The following SNAP91 variants were observed in gnomAD, a reference collection of about 807,000 sequenced individuals.
The protein encoded by SNAP91 is synaptosome associated protein 91.
Under a neutral mutation model 100.3 loss-of-function variants are expected in SNAP91, and 27 were observed. The ratio of observed to expected loss-of-function variants is 0.27; its 90% confidence interval spans 0.20 to 0.37. The LOEUF (loss-of-function observed/expected upper bound fraction) is 0.37, where lower values mean the gene tolerates loss of function less well. SNAP91 is among the 10% of genes least tolerant of loss of function. The pLI is 1.00. For missense variants in SNAP91, 986 were observed against 1,123.7 expected, an observed-to-expected ratio of 0.88 and a Z score of 1.75; for synonymous variants, 404 against 398.6, an observed-to-expected ratio of 1.01 and a Z score of -0.16.
intron 11 of SNAP91, 63 bp from the exon 12 acceptor site, chr6:83,610,740 TATATATAA>T (rs1218044300): frequency 0.022 from 3,892 of 176,676 alleles, 245 homozygotes; most frequent in African/African-American, 0.078. Context: ...TATATATATA[TATATATAA>T]ATATATATGT....
chr6:83,574,249 CAG>C (rs1813967552), intron 26 of SNAP91, among the ~76,000 whole-genome samples: 1 of 152,136 alleles, frequency 6.6e-6, no homozygotes, highest in Admixed American at 6.6e-5. Context: ...TTGCTAAACA[CAG>C]AGTGCATATA....
chr6:83,697,150 A>G (rs946712250), intron 2 of SNAP91, among the ~76,000 whole-genome samples: 1 of 152,168 alleles, frequency 6.6e-6, no homozygotes, highest in Non-Finnish European at 1.5e-5. Flanking sequence ...TAGTATCACC[A>G]ATAACTTAGT....
At chr6:83,582,860 C>G (rs1196789561) in intron 22 of SNAP91, among the ~76,000 whole-genome samples, 8 of 152,166 alleles carry the variant, frequency 5.3e-5, no homozygotes, top group Non-Finnish European at 2.9e-5. Flanking sequence ...CCCCGCAACC[C>G]TGCTCTCTGG....
chr6:83,677,759 T>G (rs2098930955), intron 2 of SNAP91, among the ~76,000 whole-genome samples: 1 of 152,182 alleles, frequency 6.6e-6, no homozygotes, highest in Non-Finnish European at 1.5e-5. Flanking sequence ...CTCTTTTGAG[T>G]GTTTTCTTAT....
chr6:83,559,319 A>T (rs531148008), intron 28 of SNAP91, among the ~76,000 whole-genome samples: 1 of 152,172 alleles, frequency 6.6e-6, no homozygotes, highest in Non-Finnish European at 1.5e-5. Flanking sequence ...AGCATCAATA[A>T]ATGCTGGATG....
chr6:83,635,336 A>G (rs1161997987), intron 8 of SNAP91, among the ~76,000 whole-genome samples: 1 of 152,194 alleles, frequency 6.6e-6, no homozygotes, highest in Non-Finnish European at 1.5e-5. Context: ...GGGTGTGTAT[A>G]TATTTAGGAT....
At chr6:83,636,308 T>C (rs1194078815) in intron 8 of SNAP91, among the ~76,000 whole-genome samples, 1 of 152,228 alleles carries the variant, frequency 6.6e-6, no homozygotes, top group Non-Finnish European at 1.5e-5. Flanking sequence ...CAATGAATTG[T>C]AGGTTTGGTT....
intron 24 of SNAP91, among the ~76,000 whole-genome samples, chr6:83,578,423 A>G (rs576341949): frequency 2.6e-4 from 40 of 152,194 alleles, no homozygotes; most frequent in Non-Finnish European, 4.9e-4. Context: ...GTATAAAGTG[A>G]TATCTTATTT....
At chr6:83,701,869 C>T (rs1401215519) in intron 2 of SNAP91, among the ~76,000 whole-genome samples, 1 of 152,220 alleles carries the variant, frequency 6.6e-6, no homozygotes, top group African/African-American at 2.4e-5. Context: ...GGCAGAAAAA[C>T]AGCTAGAAAG....
intron 25 of SNAP91, chr6:83,575,416 A>C: frequency 2.6e-6 from 1 of 384,002 alleles, no homozygotes; most frequent in Non-Finnish European, 4.7e-6. Context: ...TTCATTTGTT[A>C]TTAAAAATGC....
At chr6:83,643,372 T>G (rs947419133) in intron 7 of SNAP91, among the ~76,000 whole-genome samples, 1 of 152,188 alleles carries the variant, frequency 6.6e-6, no homozygotes. Flanking sequence ...TTGTATAAGG[T>G]GTAAGGAAGG....
At chr6:83,709,288 G>C (rs1333005914), upstream of SNAP91, 1 of 152,258 alleles carries the variant, frequency 6.6e-6, no homozygotes, top group African/African-American at 2.4e-5. Flanking sequence ...CCGGCAAGCC[G>C]GCGGGGAGAA....
intron 7 of SNAP91, among the ~76,000 whole-genome samples, chr6:83,655,042 A>G (rs1472671571): frequency 6.6e-6 from 1 of 152,168 alleles, no homozygotes; most frequent in African/African-American, 2.4e-5. Context: ...TGATGACATA[A>G]GGCTGAATGT....
chr6:83,594,167 T>C (rs1470963614), intron 17 of SNAP91, among the ~76,000 whole-genome samples: 2 of 152,232 alleles, frequency 1.3e-5, no homozygotes, highest in Admixed American at 6.5e-5. Context: ...TGACAAAAAT[T>C]GTCAATCTTA....
chr6:83,656,255 A>G (rs1158864197), intron 7 of SNAP91, among the ~76,000 whole-genome samples: 1 of 152,182 alleles, frequency 6.6e-6, no homozygotes, highest in Non-Finnish European at 1.5e-5. Context: ...ATAAAAACCA[A>G]AGGGCATATC....
chr6:83,693,089 G>A (rs890642350), intron 2 of SNAP91, among the ~76,000 whole-genome samples: 3 of 152,070 alleles, frequency 2.0e-5, no homozygotes, highest in African/African-American at 7.2e-5. Context: ...TTTGATTATT[G>A]CTACCTGTGA....
Position 83,678,287 on chromosome 6 carries a change from C to T in SNAP91, c.131-12706G>A, listed in dbSNP as rs547260616. ...TTACCATCTCCCAACACCGATTGAC[C>T]AGCCCTGAACATCTTTTAAAAATAT... is the stretch of plus-strand genomic sequence containing the variant. On this transcript the variant is annotated intron_variant, in intron 2 of 29. Transcript: ENST00000369694. 1.2e-4 allele frequency among the ~76,000 whole-genome samples: 19 copies of T among 152,120 alleles called. No homozygotes were observed. The South Asian group carries it at 3.9e-3, about 32-fold the overall frequency.
intron 2 of SNAP91, among the ~76,000 whole-genome samples, chr6:83,670,540 G>A (rs979998649): frequency 3.3e-5 from 5 of 151,578 alleles, no homozygotes; most frequent in African/African-American, 1.2e-4. Flanking sequence ...TAATTATGAT[G>A]AAGTCCTATT....
chr6:83,573,296 G>A (rs1030653508), intron 26 of SNAP91, among the ~76,000 whole-genome samples: 2 of 152,070 alleles, frequency 1.3e-5, no homozygotes, highest in East Asian at 1.9e-4. Context: ...TCAACGAAAT[G>A]AAAGAGGACA....
Sources: gnomAD v4.1 joint callset for allele counts (sites outside exome capture counted in the v4.1 genomes callset) on GRCh38, gnomAD v4.1.1 for gene constraint, MANE v1.5 for transcripts, NCBI Gene and HGNC (gene_info 2026-07-23, HGNC 2026-07-21) for gene names.